Variants in UGT1A10 observed in about 807,000 individuals in gnomAD.
UGT1A10 encodes the protein UDP glucuronosyltransferase family 1 member A10, also known as UDP-glucuronosyltransferase 1A10.
In UGT1A10, 49 loss-of-function variants were observed where a neutral mutation model predicts 45.8. The observed-to-expected ratio is 1.07, with a 90% CI of 0.85 to 1.36. UGT1A10 has a LOEUF of 1.36. Ranked by LOEUF, UGT1A10 falls within the 40% of genes most tolerant of loss-of-function variation. UGT1A10 has a pLI of 0.00. For synonymous variants in UGT1A10, 284 were observed against 249.7 expected (o/e 1.14, Z -1.29); for missense variants, 745 against 668.6 (o/e 1.11, Z -1.26).
At chr2:233,740,735 C>T (rs1403537292) in intron 1 of UGT1A10, 2 of 151,614 alleles carry the variant, frequency 1.3e-5, no homozygotes, top group Non-Finnish European at 2.9e-5. Flanking sequence ...AGGAAATGCC[C>T]CCTTTTACAC....
At chr2:233,738,189 CCTCT>C (rs563579368) in intron 1 of UGT1A10, among the ~76,000 whole-genome samples, 82 of 152,188 alleles carry the variant, frequency 5.4e-4, no homozygotes, top group Non-Finnish European at 1.0e-3. Context: ...CGTGTCTTTG[CCTCT>C]CTCTCACTTT....
chr2:233,716,480 G>A (rs17863792), intron 1 of UGT1A10, among the ~76,000 whole-genome samples: 15,444 of 151,946 alleles, frequency 0.1, 900 homozygotes, highest in East Asian at 0.2. Context: ...TCTGTCCTCC[G>A]TAGTCTTCTA....
chr2:233,650,674 A>G (rs2073716282), intron 1 of UGT1A10, among the ~76,000 whole-genome samples: 2 of 152,174 alleles, frequency 1.3e-5, no homozygotes, highest in African/African-American at 4.8e-5. Flanking sequence ...ATCTCAGCAT[A>G]AATTTTATGC....
chr2:233,762,807 C>G (rs1458193268), intron 1 of UGT1A10, among the ~76,000 whole-genome samples: 1 of 151,450 alleles, frequency 6.6e-6, no homozygotes, highest in Non-Finnish European at 1.5e-5. Flanking sequence ...GCTATCTCAT[C>G]AAAATATTGA....
At chr2:233,665,165 A>C (rs1226077724) in intron 1 of UGT1A10, among the ~76,000 whole-genome samples, 1 of 152,212 alleles carries the variant, frequency 6.6e-6, no homozygotes, top group Admixed American at 6.5e-5. Flanking sequence ...TTTGCCAATA[A>C]ATTATAGACA....
At chr2:233,748,450 A>G (rs1693947199) in intron 1 of UGT1A10, among the ~76,000 whole-genome samples, 1 of 151,796 alleles carries the variant, frequency 6.6e-6, no homozygotes, top group South Asian at 2.1e-4. Flanking sequence ...CACAATTTTC[A>G]GGGGAAAGAT....
At chr2:233,680,468 G>A (rs2125517975) in intron 1 of UGT1A10, among the ~76,000 whole-genome samples, 1 of 152,314 alleles carries the variant, frequency 6.6e-6, no homozygotes, top group East Asian at 1.9e-4. Flanking sequence ...TCTAGTACCA[G>A]TTAGGGTGTC....
intron 1 of UGT1A10, among the ~76,000 whole-genome samples, chr2:233,712,410 G>T (rs1290226117): frequency 1.3e-5 from 2 of 152,150 alleles, no homozygotes; most frequent in Non-Finnish European, 2.9e-5. Context: ...TCCTCTTTGA[G>T]CTTTACAAGA....
At chr2:233,755,269 T>C in intron 1 of UGT1A10, 1 of 759,984 alleles carries the variant, frequency 1.3e-6, no homozygotes, top group East Asian at 5.3e-5. Context: ...TAGTCCACTA[T>C]GCTGGACTGC....
chr2:233,690,191 TA>T (rs1234058808), intron 1 of UGT1A10, among the ~76,000 whole-genome samples: 1 of 152,236 alleles, frequency 6.6e-6, no homozygotes, highest in African/African-American at 2.4e-5. Flanking sequence ...TTTCATAAAA[TA>T]TTCATAAATT....
chr2:233,729,416 C>G, intron 1 of UGT1A10: 1 of 1,613,628 alleles, frequency 6.2e-7, no homozygotes, highest in Non-Finnish European at 8.5e-7. Flanking sequence ...CTGGGCCACA[C>G]TCAACTGTAC....
At chr2:233,758,327 A>G (rs1696843047) in intron 1 of UGT1A10, among the ~76,000 whole-genome samples, 1 of 152,192 alleles carries the variant, frequency 6.6e-6, no homozygotes, top group Non-Finnish European at 1.5e-5. Flanking sequence ...CAGCCTCAAA[A>G]AGCTTGGAAG....
intron 1 of UGT1A10, chr2:233,747,709 C>A (rs1194057066): frequency 6.2e-7 from 1 of 1,612,868 alleles, no homozygotes; most frequent in Non-Finnish European, 8.5e-7. Context: ...AAGTACCTAT[C>A]AATTCCTGCT....
chr2:233,723,213 C>CTT (rs201420005), intron 1 of UGT1A10, among the ~76,000 whole-genome samples: 4 of 88,884 alleles, frequency 4.5e-5, no homozygotes, highest in Non-Finnish European at 6.4e-5. Context: ...TCAAAACTGA[C>CTT]TTTTTTTTTT....
intron 1 of UGT1A10, among the ~76,000 whole-genome samples, chr2:233,763,677 A>G (rs934617457): frequency 6.6e-6 from 1 of 152,232 alleles, no homozygotes; most frequent in Non-Finnish European, 1.5e-5. Flanking sequence ...AACTTTAAGA[A>G]TAAAGATAAA....
intron 1 of UGT1A10, among the ~76,000 whole-genome samples, chr2:233,695,373 C>T (rs1408042500): frequency 6.6e-6 from 1 of 151,854 alleles, no homozygotes; most frequent in Non-Finnish European, 1.5e-5. Flanking sequence ...GTCCGCCCAC[C>T]CCAGCCTCCC....
intron 1 of UGT1A10, among the ~76,000 whole-genome samples, chr2:233,748,894 A>G (rs1694057054): frequency 6.6e-6 from 1 of 151,670 alleles, no homozygotes; most frequent in Non-Finnish European, 1.5e-5. Context: ...CATGTGTCCA[A>G]GAAGGGAAGT....
intron 1 of UGT1A10, chr2:233,741,805 CTTAA>C (rs1691775177): frequency 6.6e-6 from 1 of 151,910 alleles, no homozygotes; most frequent in African/African-American, 2.4e-5. Flanking sequence ...GCATGCTGCT[CTTAA>C]TTTTTTTCAG....
At chr2:233,759,500 CTAA>C (rs1055153309) in intron 1 of UGT1A10, among the ~76,000 whole-genome samples, 11 of 152,162 alleles carry the variant, frequency 7.2e-5, no homozygotes, top group Non-Finnish European at 1.6e-4. Flanking sequence ...CAGGTTCACA[CTAA>C]TAAAGGCCTG....
Sources: allele counts gnomAD v4.1 joint callset (sites outside exome capture counted in the v4.1 genomes callset), GRCh38; gene constraint gnomAD v4.1.1; transcripts MANE v1.5; gene names NCBI Gene and HGNC (gene_info 2026-07-23, HGNC 2026-07-21).